TRRAP: variants seen among roughly 807,000 people sequenced by gnomAD.
The protein encoded by TRRAP is transformation/transcription domain-associated protein.
TRRAP carries 41 observed loss-of-function variants against 438.8 expected under a neutral mutation model. That is an observed-to-expected ratio of 0.09 (90% confidence interval 0.07 to 0.12). TRRAP has a LOEUF of 0.12. TRRAP is among the 10% of genes least tolerant of loss of function. The pLI is 1.00. For synonymous variants in TRRAP, 1,994 were observed against 1,962.9 expected (o/e 1.02, Z -0.42); for missense variants, 3,122 against 5,055.1 (o/e 0.62, Z 11.60).
At chr7:98,954,667 C>G (rs1554419078) in intron 40 of TRRAP, among the ~76,000 whole-genome samples, 2 of 152,250 alleles carry the variant, frequency 1.3e-5, no homozygotes. Context: ...TCTGTGTTCC[C>G]ATGACCTCAC....
At chr7:98,928,666 C>A (rs538722982) in intron 23 of TRRAP, among the ~76,000 whole-genome samples, 41 of 152,154 alleles carry the variant, frequency 2.7e-4, no homozygotes, top group African/African-American at 9.7e-4. Context: ...TAGGAATATC[C>A]GGAGCATAAC....
In TRRAP at chr7:98,917,048, GCTC is replaced by G. The variant is rs1310317854; in HGVS notation, c.2366-371_2366-369del. On this transcript the variant is annotated intron_variant, in intron 19 of 72. Coordinates refer to ENST00000456197, the MANE Select transcript of TRRAP (RefSeq NM_001375524.1). ...GGGAGGGGGACTTTATCAGAAAGAGGCTCCTCGCCATTTATAATACAAAAAAAT... is the reference window on the plus strand; with the variant it reads ...GGGAGGGGGACTTTATCAGAAAGAGGCTCGCCATTTATAATACAAAAAAAT... Among the ~76,000 whole-genome samples, 8 of 152,152 alleles carry G rather than the reference GCTC, an allele frequency of 5.3e-5. No homozygotes were observed. The East Asian group carries it at 1.5e-3, about 29-fold the overall frequency.
chr7:98,923,011 A>G (rs1461422842), intron 21 of TRRAP, among the ~76,000 whole-genome samples: 1 of 151,938 alleles, frequency 6.6e-6, no homozygotes, highest in African/African-American at 2.4e-5. Context: ...GTCCCCCGCA[A>G]CTTCCTCAAG....
Position 98,912,074 on chromosome 7 carries a change from C to T in TRRAP, c.2060C>T (p.Thr687Met), listed in dbSNP as rs1397870031. 2 of 1,614,134 alleles carry T rather than the reference C, an allele frequency of 1.2e-6. No homozygotes were observed. The highest frequency in any genetic ancestry group is 1.3e-5 in the African/African-American group (1 of 75,044). ...ANPTTSALFA[T>M]ILVEYLLDRL... Reference sequence around the variant, plus strand: ...CCTACTACCTCTGCTCTGTTTGCTACGATTCTGGTGGAATATCTCCTTGAT... The same window carrying T: ...CCTACTACCTCTGCTCTGTTTGCTATGATTCTGGTGGAATATCTCCTTGAT... The change falls in exon 18 of 73, where the codon ACG becomes ATG. Residue 687 changes from threonine (T) to methionine (M), a missense_variant. Around this residue, in one of 24 missense-constraint regions of TRRAP, gnomAD observed 149 missense variants for 302.8 expected, o/e 0.49. Transcript: ENST00000456197.
At chr7:98,961,555 A>G in intron 46 of TRRAP, 81 bp downstream of exon 46, 2 of 1,515,318 alleles carry the variant, frequency 1.3e-6, no homozygotes, top group Non-Finnish European at 1.8e-6. Flanking sequence ...CTTGTCCTCC[A>G]GTTATTGTGT....
intron 63 of TRRAP, among the ~76,000 whole-genome samples, chr7:98,989,742 C>T (rs1187069143): frequency 1.3e-5 from 2 of 152,228 alleles, no homozygotes; most frequent in Admixed American, 6.5e-5. Context: ...ACCTGGCTGC[C>T]AGCCTGTGGC....
chr7:98,972,927 C>G (rs1045987513), intron 53 of TRRAP, among the ~76,000 whole-genome samples: 1 of 152,144 alleles, frequency 6.6e-6, no homozygotes, highest in African/African-American at 2.4e-5. Flanking sequence ...AGCAGAGCAG[C>G]CTGATACATG....
At chr7:98,992,511 T>G (rs1389773562) in intron 65 of TRRAP, among the ~76,000 whole-genome samples, 1 of 152,210 alleles carries the variant, frequency 6.6e-6, no homozygotes, top group Non-Finnish European at 1.5e-5. Context: ...AAAGTTTACC[T>G]TTCTCCTTAG....
At position 99,008,444 on chromosome 7, in the gene TRRAP, TGTG is replaced by T. The variant is rs768619102; in HGVS notation, c.10823_10825del (p.Val3608del). On this transcript the variant is annotated inframe_deletion, in exon 70 of 73. Transcript: ENST00000456197. ...AGGACAACCCCTCTTCACTTTCCCT[TGTG>T]GAGATCTACAAGCAGCGCTGCGCCA... 6.2e-7 allele frequency: 1 copy of T among 1,613,666 alleles called. No individual in the cohort carries two copies. The highest frequency in any genetic ancestry group is 8.5e-7 in the Non-Finnish European group (1 of 1,179,906).
At chr7:98,924,959 C>T (rs561708325) in intron 21 of TRRAP, among the ~76,000 whole-genome samples, 153 bp from the exon 22 acceptor site, 4 of 149,486 alleles carry the variant, frequency 2.7e-5, no homozygotes, top group East Asian at 2.0e-4. Context: ...ACCTGAGATA[C>T]GCGCCACTGC....
At chr7:98,914,543 C>T (rs1474074900) in intron 18 of TRRAP, among the ~76,000 whole-genome samples, 6 of 151,300 alleles carry the variant, frequency 4.0e-5, no homozygotes, top group African/African-American at 9.7e-5. Flanking sequence ...TAAAACCTAT[C>T]GGGACAAATC....
At chr7:98,982,943 T>C (rs998556600) in intron 59 of TRRAP, among the ~76,000 whole-genome samples, 2 of 152,098 alleles carry the variant, frequency 1.3e-5, no homozygotes, top group African/African-American at 4.8e-5. Flanking sequence ...GCAAAGGGCA[T>C]GGACAGCAGG....
At chr7:98,951,129 A>G (rs1554418198) in intron 39 of TRRAP, 125 bp downstream of exon 39, 9 of 1,170,334 alleles carry the variant, frequency 7.7e-6, no homozygotes, top group Admixed American at 6.4e-5. Context: ...TGTTCCGCCA[A>G]CACGTTTATT....
Position 98,976,156 on chromosome 7 carries a change from C to T in TRRAP, c.7847C>T (p.Ala2616Val), listed in dbSNP as rs201688844. Reference protein sequence around the residue: ...LDTLREVKTGALLSAFVQLCH... With the variant: ...LDTLREVKTGVLLSAFVQLCH... Reference sequence around the variant, plus strand: ...TTGTCTTTCTGTTCATAGACTGGAGCGCTGCTCAGCGCTTTCGTTCAGCTG... The same window carrying T: ...TTGTCTTTCTGTTCATAGACTGGAGTGCTGCTCAGCGCTTTCGTTCAGCTG... Residue 2616 changes from alanine (A) to valine (V), a missense_variant, in exon 54 of 73, where the codon GCG (alanine) becomes GTG (valine). By Grantham distance (64) the Ala-to-Val change is moderately conservative. Around this residue, in one of 24 missense-constraint regions of TRRAP, gnomAD observed 992 missense variants for 1,281.2 expected, o/e 0.77. Coordinates refer to ENST00000456197, the MANE Select transcript of TRRAP (RefSeq NM_001375524.1). The surrounding 1 kb of genome is among the most constrained non-coding windows in gnomAD (Gnocchi z 4.6). 59 of 1,613,762 alleles carry T rather than the reference C, an allele frequency of 3.7e-5. No individual in the cohort carries two copies. The highest frequency in any genetic ancestry group is 4.6e-5 in the Non-Finnish European group (54 of 1,179,896).
chr7:98,976,018 A>G lies in TRRAP; in HGVS notation c.7840-131A>G, dbSNP rs1186090289. On this transcript the variant is annotated intron_variant, in intron 53 of 72. Coordinates refer to ENST00000456197, the MANE Select transcript of TRRAP (RefSeq NM_001375524.1). This position sits in a 1 kb window ranked among gnomAD's most constrained non-coding sequence, Gnocchi z 4.6. ...TTTTACTCTAACATGGCATTTTCTC[A>G]GATCTTTGAAACTTTGAAAGTGGAG... The G allele has an allele frequency of 5.0e-6, 6 of 1,208,002 alleles. No individual in the cohort carries two copies. In the East Asian group the frequency reaches 1.3e-4, roughly 26 times the overall value. The allele number at this position is 1,208,002 out of a possible 1,614,324, so 74.8% of individuals were successfully genotyped here.
rs375546769 is a variant in TRRAP, at chr7:98,981,968, C to T, written c.8826+8C>T. The T allele has an allele frequency of 3.2e-5, 50 of 1,567,278 alleles. No homozygotes were observed. The highest frequency in any genetic ancestry group is 2.9e-4 in the African/African-American group (21 of 72,900). ...CACACGCCTCTCCTACAGGTGCGTG[C>T]GGTGCCCCCATGCGAGCACAGGCCT... is the stretch of plus-strand genomic sequence containing the variant. On this transcript the variant is annotated splice_region_variant and intron_variant, in intron 59 of 72. Coordinates refer to ENST00000456197, the MANE Select transcript of TRRAP (RefSeq NM_001375524.1).
Position 99,012,761 on chromosome 7 carries a change from G to A in TRRAP, c.*406G>A, listed in dbSNP as rs1446593276. On this transcript the variant is annotated 3_prime_UTR_variant, in exon 73 of 73. Transcript: ENST00000456197. This position sits in a 1 kb window ranked among gnomAD's most constrained non-coding sequence, Gnocchi z 5.9. ...GGAAATAACACCTCACAGCAGCTTC[G>A]TGCTTTTGTACAGACCTTTGTAACA... 4.1e-5 allele frequency: 8 copies of A among 193,430 alleles called. No individual in the cohort carries two copies. The highest frequency in any genetic ancestry group is 2.8e-4 in the Admixed American group (5 of 17,952). The allele number at this position is 193,430 out of a possible 1,614,324, so 12.0% of individuals were successfully genotyped here.
At chr7:98,881,487 G>A (rs1309226303) in intron 2 of TRRAP, among the ~76,000 whole-genome samples, 2 of 150,748 alleles carry the variant, frequency 1.3e-5, no homozygotes, top group Non-Finnish European at 2.9e-5. Flanking sequence ...CAGGAGGATC[G>A]CTTGAACCCA....
rs1791937111 is a variant in TRRAP at position 98,962,349 on chromosome 7, G to A, written c.6751G>A (p.Ala2251Thr). ...SKYEELECLY[A>T]AVGKVIYEGL... is the part of the protein sequence containing the mutation. ...ATATGAAGAGCTGGAGTGCCTCTAC[G>A]CAGCCGTCGGAAAGGTCATCTATGA... Residue 2251 changes from alanine to threonine, a missense_variant, in exon 47 of 73, where the codon GCA (alanine) becomes ACA (threonine). Ala to Thr is a moderately conservative substitution (Grantham distance 58). Coordinates refer to ENST00000456197, the MANE Select transcript of TRRAP (RefSeq NM_001375524.1). The A allele has an allele frequency of 2.5e-6, 4 of 1,614,086 alleles. No individual in the cohort carries two copies. Among genetic ancestry groups the A allele is most frequent in the African/African-American group, 2.7e-5 (2 of 74,920 alleles).
Sources: allele counts gnomAD v4.1 joint callset (sites outside exome capture counted in the v4.1 genomes callset), GRCh38; gene constraint gnomAD v4.1.1; regional missense constraint gnomAD v4.1.1; non-coding constraint Gnocchi (gnomAD v3.1); transcripts MANE v1.5; gene names NCBI Gene and HGNC (gene_info 2026-07-23, HGNC 2026-07-21).